The following SS18 variants were observed in gnomAD, a reference collection of about 807,000 sequenced individuals.
The protein encoded by SS18 is protein SSXT.
In SS18, 28 loss-of-function variants were observed where a neutral mutation model predicts 72.5. That is an observed-to-expected ratio of 0.39 (90% confidence interval 0.29 to 0.53). The LOEUF (loss-of-function observed/expected upper bound fraction) is 0.53. SS18 is among the 20% of genes least tolerant of loss of function. The pLI is 0.76. For missense variants in SS18, 518 were observed against 535.3 expected (o/e 0.97, Z 0.32); for synonymous variants, 172 against 164.2 (o/e 1.05, Z -0.37).
chr18:26,050,433 T>C (rs1394411112), intron 5 of SS18, among the ~76,000 whole-genome samples: 8 of 152,030 alleles, frequency 5.3e-5, no homozygotes, highest in Non-Finnish European at 1.2e-4. Context: ...TGTTTTATAA[T>C]GAAATGAATA....
At chr18:26,039,168 CAAAAAAAAAAAAAA>C (rs34318951) in intron 6 of SS18, 107 bp downstream of exon 6, 43 of 251,632 alleles carry the variant, frequency 1.7e-4, no homozygotes, top group South Asian at 1.4e-3. Context: ...TACCTTTTGT[CAAAAAAAAAAAAAA>C]AAAAAAAAAA....
intron 3 of SS18, among the ~76,000 whole-genome samples, chr18:26,072,677 G>C (rs1193822994): frequency 6.6e-6 from 1 of 150,666 alleles, no homozygotes. Flanking sequence ...GGCGCCTGTA[G>C]TCCCAGCTAC....
chr18:26,075,001 A>T (rs536891191), intron 3 of SS18, among the ~76,000 whole-genome samples: 20 of 152,060 alleles, frequency 1.3e-4, no homozygotes, highest in African/African-American at 4.8e-4. Context: ...AAATTTATTA[A>T]AATGCTAAAA....
chr18:26,080,449 G>A, intron 2 of SS18: 1 of 878,032 alleles, frequency 1.1e-6, no homozygotes, highest in Non-Finnish European at 1.4e-6. Context: ...TTAGTATCAT[G>A]TTGATTAGTA....
chr18:26,023,142 CCAAT>C (rs1318294462), intron 10 of SS18, among the ~76,000 whole-genome samples: 1 of 152,122 alleles, frequency 6.6e-6, no homozygotes, highest in African/African-American at 2.4e-5. Context: ...TGTCTGGAAT[CCAAT>C]CAAAGATTAT....
upstream of SS18, chr18:26,091,106 A>T (rs1001564228): frequency 6.5e-6 from 1 of 153,804 alleles, no homozygotes; most frequent in Non-Finnish European, 1.4e-5. Flanking sequence ...GCCTCCTGGC[A>T]AGAGTGGCCG....
chr18:26,066,413 A>G (rs2054217614), intron 3 of SS18, among the ~76,000 whole-genome samples: 1 of 152,140 alleles, frequency 6.6e-6, no homozygotes, highest in Non-Finnish European at 1.5e-5. Context: ...ATCAGACATG[A>G]AATCTCTGAT....
chr18:26,036,562 T>C (rs1416682755), intron 7 of SS18, among the ~76,000 whole-genome samples: 1 of 152,200 alleles, frequency 6.6e-6, no homozygotes, highest in African/African-American at 2.4e-5. Flanking sequence ...AGTATATCTT[T>C]AGTTTTAAAG....
At chr18:26,074,559 T>A (rs1207049004) in intron 3 of SS18, among the ~76,000 whole-genome samples, 4 of 152,026 alleles carry the variant, frequency 2.6e-5, no homozygotes, top group South Asian at 2.1e-4. Context: ...ATGCCATTCA[T>A]CTCACAAAGA....
chr18:26,020,167 C>A (rs2053323081), intron 10 of SS18, among the ~76,000 whole-genome samples: 1 of 152,002 alleles, frequency 6.6e-6, no homozygotes, highest in South Asian at 2.1e-4. Context: ...GTTTAAGTTC[C>A]AACTCTATTG....
intron 5 of SS18, among the ~76,000 whole-genome samples, chr18:26,040,183 C>T (rs541161775): frequency 6.6e-6 from 1 of 152,324 alleles, no homozygotes; most frequent in African/African-American, 2.4e-5. Context: ...GCTAAGAAAT[C>T]TGAACTACAG....
At chr18:26,034,549 C>T (rs2053595915) in intron 9 of SS18, among the ~76,000 whole-genome samples, 1 of 150,590 alleles carries the variant, frequency 6.6e-6, no homozygotes, top group Admixed American at 6.6e-5. Flanking sequence ...ATGACAAAAA[C>T]ATTTTCTTTA....
chr18:26,046,963 T>A (rs2053834410), intron 5 of SS18, among the ~76,000 whole-genome samples: 1 of 152,214 alleles, frequency 6.6e-6, no homozygotes, highest in Non-Finnish European at 1.5e-5. Flanking sequence ...ACTCTTAATG[T>A]GCTATGGTAA....
chr18:26,051,923 A>T (rs975724594), intron 5 of SS18, among the ~76,000 whole-genome samples: 3 of 152,228 alleles, frequency 2.0e-5, no homozygotes, highest in African/African-American at 7.2e-5. Context: ...ATCAAAATCT[A>T]GAAAATTTTA....
chr18:26,047,872 T>C (rs2053857182), intron 5 of SS18, among the ~76,000 whole-genome samples: 1 of 152,082 alleles, frequency 6.6e-6, no homozygotes, highest in Non-Finnish European at 1.5e-5. Flanking sequence ...CAAATAAAGG[T>C]TAAATTCCTA....
At chr18:26,066,399 G>A (rs114063740) in intron 3 of SS18, among the ~76,000 whole-genome samples, 2,206 of 152,134 alleles carry the variant, frequency 0.015, 61 homozygotes, top group African/African-American at 0.051. Context: ...TCCATTTGAA[G>A]TCTATCAGAC....
intron 10 of SS18, among the ~76,000 whole-genome samples, chr18:26,021,298 G>A (rs2053345880): frequency 6.6e-6 from 1 of 152,012 alleles, no homozygotes; most frequent in Admixed American, 6.6e-5. Flanking sequence ...ATCTGACAAG[G>A]GTAATTATAA....
At chr18:26,019,855 A>AT (rs1409443921) in intron 10 of SS18, among the ~76,000 whole-genome samples, 1 of 150,788 alleles carries the variant, frequency 6.6e-6, no homozygotes, top group African/African-American at 2.4e-5. Flanking sequence ...TTACATAGTT[A>AT]TATTCAGCTA....
At chr18:26,085,626 A>C (rs942864060) in intron 2 of SS18, among the ~76,000 whole-genome samples, 1 of 152,306 alleles carries the variant, frequency 6.6e-6, no homozygotes, top group Admixed American at 6.5e-5. Flanking sequence ...ACACAGAAAA[A>C]TGTTTGGAAG....
Sources: gnomAD v4.1 joint callset for allele counts (sites outside exome capture counted in the v4.1 genomes callset) on GRCh38, gnomAD v4.1.1 for gene constraint, MANE v1.5 for transcripts, NCBI Gene and HGNC (gene_info 2026-07-23, HGNC 2026-07-21) for gene names.